Variants in GPM6A observed in about 807,000 individuals in gnomAD.
The protein encoded by GPM6A is glycoprotein M6A, also known as neuronal membrane glycoprotein M6-a.
A neutral mutation model predicts 32.1 loss-of-function variants in GPM6A; 7 were observed. The observed-to-expected ratio is 0.22, with a 90% CI of 0.12 to 0.41. The LOEUF is 0.41. GPM6A is among the 10% of genes least tolerant of loss of function. GPM6A has a pLI of 1.00. For missense variants in GPM6A, 235 were observed against 347.2 expected (o/e 0.68, Z 2.57); for synonymous variants, 130 against 123.4 (o/e 1.05, Z -0.35).
At chr4:175,867,872 G>C (rs1158816454) in intron 1 of GPM6A, among the ~76,000 whole-genome samples, 1 of 152,250 alleles carries the variant, frequency 6.6e-6, no homozygotes, top group Admixed American at 6.5e-5. Context: ...CAGCACATTT[G>C]GTTCTGGTTA....
chr4:175,638,937 G>A (rs973312594), intron 6 of GPM6A, among the ~76,000 whole-genome samples: 17 of 151,994 alleles, frequency 1.1e-4, no homozygotes, highest in Admixed American at 6.6e-4. Flanking sequence ...TTAATTTTAG[G>A]TTGAGAATAT....
At chr4:175,694,585 G>C (rs1269709424) in intron 2 of GPM6A, among the ~76,000 whole-genome samples, 3 of 152,142 alleles carry the variant, frequency 2.0e-5, no homozygotes, top group African/African-American at 7.2e-5. Flanking sequence ...GATGTGACCT[G>C]GCTGTTTCTA....
intron 6 of GPM6A, among the ~76,000 whole-genome samples, chr4:175,636,268 ATATATATAT>A (rs1740588746): frequency 2.1e-5 from 1 of 47,938 alleles, no homozygotes. Context: ...CTGTATATAT[ATATATATAT>A]ATATATATAT....
intron 1 of GPM6A, among the ~76,000 whole-genome samples, chr4:175,870,846 C>G (rs1013189592): frequency 6.6e-6 from 1 of 152,034 alleles, no homozygotes; most frequent in African/African-American, 2.4e-5. Context: ...GAAGTCCTCT[C>G]TATAAAACAG....
chr4:175,661,434 CAAAAAAAA>C (rs3032612), intron 3 of GPM6A, among the ~76,000 whole-genome samples: 1 of 111,876 alleles, frequency 8.9e-6, no homozygotes, highest in African/African-American at 4.1e-5. Context: ...GACTCTGTCT[CAAAAAAAA>C]AAAAAAAAAA....
At chr4:175,863,368 A>G (rs1410351026) in intron 1 of GPM6A, among the ~76,000 whole-genome samples, 1 of 152,184 alleles carries the variant, frequency 6.6e-6, no homozygotes, top group Non-Finnish European at 1.5e-5. Context: ...TTCACTCAGT[A>G]TAATTATTTT....
At chr4:175,924,906 G>A (rs143666873) in intron 1 of GPM6A, among the ~76,000 whole-genome samples, 196 of 149,232 alleles carry the variant, frequency 1.3e-3, no homozygotes, top group African/African-American at 4.5e-3. Flanking sequence ...GTCATTTATT[G>A]TGTGGTGCAA....
chr4:175,962,172 G>A (rs1405386178), intron 1 of GPM6A: 12 of 1,001,110 alleles, frequency 1.2e-5, no homozygotes, highest in African/African-American at 4.8e-5. Context: ...CAAGGTGATC[G>A]AGCACCTGCT....
At chr4:175,886,006 G>A (rs779326788) in intron 1 of GPM6A, among the ~76,000 whole-genome samples, 15 of 152,080 alleles carry the variant, frequency 9.9e-5, no homozygotes, top group Admixed American at 7.9e-4. Context: ...ATAAAAAACA[G>A]CATTAAGAGA....
intron 1 of GPM6A, among the ~76,000 whole-genome samples, chr4:175,923,062 T>C (rs1219876318): frequency 1.3e-5 from 2 of 151,946 alleles, no homozygotes; most frequent in African/African-American, 2.4e-5. Context: ...CATGACTTCA[T>C]ATGTAGATAC....
chr4:175,647,336 A>C (rs1344924657), intron 4 of GPM6A, among the ~76,000 whole-genome samples: 1 of 152,224 alleles, frequency 6.6e-6, no homozygotes, highest in Non-Finnish European at 1.5e-5. Context: ...ATAAACATCT[A>C]ATACATCCAA....
intron 2 of GPM6A, among the ~76,000 whole-genome samples, chr4:175,680,286 A>G (rs1370902684): frequency 6.6e-6 from 1 of 152,114 alleles, no homozygotes; most frequent in Non-Finnish European, 1.5e-5. Context: ...CTCCTTTGAT[A>G]TTTGTACGTC....
Position 175,931,470 on chromosome 4 carries a change from T to C in GPM6A, c.-23+70839A>G, listed in dbSNP as rs140972717. Among the ~76,000 whole-genome samples the C allele has an allele frequency of 8.5e-5, 13 of 152,226 alleles. No homozygotes were observed. The East Asian group carries it at 2.5e-3, about 29-fold the overall frequency. On this transcript the variant is annotated intron_variant, in intron 1 of 7. Transcript: ENST00000280187. ...ATGATAACTCAGATGACTTGTACTT[T>C]TCTCTCTATATTTTACTATTAGTTG...
At chr4:176,001,034 G>GT (rs1294627363) in intron 1 of GPM6A, among the ~76,000 whole-genome samples, 2 of 152,190 alleles carry the variant, frequency 1.3e-5, no homozygotes, top group Non-Finnish European at 2.9e-5. Flanking sequence ...GACTATGAAA[G>GT]TCTTGATCAC....
intron 1 of GPM6A, among the ~76,000 whole-genome samples, chr4:175,722,359 C>T (rs561353424): frequency 8.4e-4 from 127 of 151,858 alleles, no homozygotes; most frequent in Non-Finnish European, 1.5e-3. Flanking sequence ...AATAAAGACC[C>T]CCTGGTCACA....
intron 1 of GPM6A, among the ~76,000 whole-genome samples, chr4:175,820,110 T>G (rs1327565516): frequency 6.6e-6 from 1 of 152,200 alleles, no homozygotes; most frequent in Admixed American, 6.5e-5. Context: ...ATATGGAGAC[T>G]TTTACTCAGT....
chr4:175,693,797 C>T (rs1358580761), intron 2 of GPM6A, among the ~76,000 whole-genome samples: 1 of 152,050 alleles, frequency 6.6e-6, no homozygotes, highest in African/African-American at 2.4e-5. Flanking sequence ...ATATCTGTGT[C>T]CCCACCCAAA....
At chr4:175,831,962 A>T (rs1272923224) in intron 1 of GPM6A, among the ~76,000 whole-genome samples, 1 of 151,350 alleles carries the variant, frequency 6.6e-6, no homozygotes, top group Non-Finnish European at 1.5e-5. Context: ...CAGGTGATCC[A>T]CCCTCCTCGG....
At chr4:175,641,094 C>T (rs1172906139) in intron 4 of GPM6A, 1 of 435,628 alleles carries the variant, frequency 2.3e-6, no homozygotes, top group Non-Finnish European at 4.1e-6. Context: ...TTTCCAGACT[C>T]AATTATAGCC....
Sources: gnomAD v4.1 joint callset for allele counts (sites outside exome capture counted in the v4.1 genomes callset) on GRCh38, gnomAD v4.1.1 for gene constraint, MANE v1.5 for transcripts, NCBI Gene and HGNC (gene_info 2026-07-23, HGNC 2026-07-21) for gene names.